Variants in ADCY2 observed in about 807,000 individuals in gnomAD.
ADCY2 encodes the protein adenylate cyclase 2.
In ADCY2, 31 loss-of-function variants were observed where a neutral mutation model predicts 125.2. That is an observed-to-expected ratio of 0.25 (90% CI 0.19 to 0.33). ADCY2 has a LOEUF of 0.33. ADCY2 is among the 10% of genes least tolerant of loss of function. The probability of loss-of-function intolerance (pLI) is 1.00; values close to 1 mark genes in which losing one functional copy is unlikely to be tolerated. For synonymous variants in ADCY2, 512 were observed against 548.4 expected, an observed-to-expected ratio of 0.93 and a Z score of 0.93; for missense variants, 904 against 1,418.2, an observed-to-expected ratio of 0.64 and a Z score of 5.82.
chr5:7,432,215 G>C (rs1007765128), intron 2 of ADCY2, among the ~76,000 whole-genome samples: 1 of 152,006 alleles, frequency 6.6e-6, no homozygotes, highest in Non-Finnish European at 1.5e-5. Flanking sequence ...CCCACCGAGA[G>C]CCACTTTCAT....
At chr5:7,666,713 C>A (rs1739769591) in intron 4 of ADCY2, among the ~76,000 whole-genome samples, 8 of 152,234 alleles carry the variant, frequency 5.3e-5, no homozygotes. Flanking sequence ...CCACATGGGG[C>A]CTCAGTGCCA....
At chr5:7,742,377 G>A (rs986237149) in intron 14 of ADCY2, among the ~76,000 whole-genome samples, 1 of 152,044 alleles carries the variant, frequency 6.6e-6, no homozygotes, top group African/African-American at 2.4e-5. Context: ...GGTGTACTTG[G>A]TATATACACA....
At chr5:7,820,181 C>T (rs1174593254) in intron 23 of ADCY2, among the ~76,000 whole-genome samples, 2 of 152,142 alleles carry the variant, frequency 1.3e-5, no homozygotes, top group Non-Finnish European at 2.9e-5. Flanking sequence ...TGTTTCCTGA[C>T]CTAACTTTCC....
intron 1 of ADCY2, 54 bp from the exon 2 acceptor site, chr5:7,414,519 G>A (rs1739859218): frequency 1.4e-6 from 2 of 1,417,576 alleles, no homozygotes; most frequent in African/African-American, 2.9e-5. Flanking sequence ...TAAATCATTG[G>A]TATCACAGTG....
At chr5:7,611,710 G>A (rs1216480195) in intron 3 of ADCY2, among the ~76,000 whole-genome samples, 2 of 152,084 alleles carry the variant, frequency 1.3e-5, no homozygotes, top group African/African-American at 4.8e-5. Flanking sequence ...TGAGGGTTGG[G>A]GGTTTATCTC....
intron 10 of ADCY2, among the ~76,000 whole-genome samples, chr5:7,712,085 G>T (rs62343026): frequency 1.2e-4 from 18 of 152,110 alleles, no homozygotes; most frequent in Admixed American, 2.6e-4. Flanking sequence ...AATGAAACTT[G>T]GAGCTCAATC....
intron 18 of ADCY2, among the ~76,000 whole-genome samples, chr5:7,781,612 G>A (rs1352490063): frequency 6.6e-6 from 1 of 152,220 alleles, no homozygotes. Context: ...ACATGGCCCT[G>A]AGAACATCCT....
chr5:7,789,811 G>T lies in ADCY2; in HGVS notation c.2628+11G>T, dbSNP rs184766688. On this transcript the variant is annotated intron_variant, in intron 20 of 24. Transcript: ENST00000338316. Reference sequence around the variant, plus strand: ...AGCCTGAAGAATGAGGTCAGACCAGGGGGGCTGGGGGCTGGGGGAGGGGGC... The same window carrying T: ...AGCCTGAAGAATGAGGTCAGACCAGTGGGGCTGGGGGCTGGGGGAGGGGGC... 12 of 1,487,416 alleles carry T rather than the reference G, an allele frequency of 8.1e-6. No homozygotes were observed. In the Admixed American group the frequency reaches 2.5e-4, roughly 31 times the overall value. 92.1% of individuals were successfully genotyped at this position (1,487,416 alleles called of 1,614,324 possible). A position where few individuals can be genotyped will look rare whatever the true frequency, so the allele number is the denominator to read the frequency against.
At chr5:7,563,601 G>C (rs7716597) in intron 3 of ADCY2, among the ~76,000 whole-genome samples, 56,308 of 151,960 alleles carry the variant, frequency 0.37, 11,160 homozygotes, top group African/African-American at 0.42. Flanking sequence ...ATAGAGCTTT[G>C]TATTACCTAG....
At chr5:7,633,826 A>G (rs191553350) in intron 4 of ADCY2, among the ~76,000 whole-genome samples, 8 of 152,336 alleles carry the variant, frequency 5.3e-5, no homozygotes, top group Admixed American at 2.0e-4. Context: ...AGAATTTTCA[A>G]TATTTCCTGG....
At chr5:7,806,936 G>C (rs1190935719) in intron 22 of ADCY2, among the ~76,000 whole-genome samples, 1 of 152,082 alleles carries the variant, frequency 6.6e-6, no homozygotes, top group Non-Finnish European at 1.5e-5. Context: ...TCCTTCTGAA[G>C]TTTCTCTCCT....
chr5:7,777,443 GC>G (rs1743768342), intron 18 of ADCY2, among the ~76,000 whole-genome samples: 1 of 152,230 alleles, frequency 6.6e-6, no homozygotes, highest in Non-Finnish European at 1.5e-5. Flanking sequence ...AATGGGAAGA[GC>G]CTGACACCAG....
intron 22 of ADCY2, among the ~76,000 whole-genome samples, chr5:7,810,310 T>C (rs1324214341): frequency 6.6e-6 from 1 of 151,998 alleles, no homozygotes; most frequent in Non-Finnish European, 1.5e-5. Flanking sequence ...ATCTACCTGA[T>C]TGGTGGGTTA....
intron 4 of ADCY2, among the ~76,000 whole-genome samples, chr5:7,652,864 T>A (rs1739145282): frequency 6.6e-6 from 1 of 152,188 alleles, no homozygotes; most frequent in South Asian, 2.1e-4. Flanking sequence ...CACACTGACC[T>A]GTCACTATTA....
rs924942539 is a variant in ADCY2, at chr5:7,743,558, T to A, written c.1872-110T>A. The stretch of plus-strand genomic sequence containing the variant: ...TATTTCTCAAAAATTTAGTGAGGAT[T>A]GCAGTCTGCATTTAATAAAGTCCTC... On this transcript the variant is annotated intron_variant, in intron 14 of 24. Transcript: ENST00000338316. 1.0e-5 allele frequency: 9 copies of A among 903,532 alleles called. No homozygotes were observed. In the African/African-American group the frequency reaches 1.5e-4, roughly 15 times the overall value. The allele number at this position is 903,532 out of a possible 1,614,324, so 56.0% of individuals were successfully genotyped here. A position where few individuals can be genotyped will look rare whatever the true frequency, so the allele number is the denominator to read the frequency against.
intron 2 of ADCY2, among the ~76,000 whole-genome samples, chr5:7,492,377 A>C (rs1213439131): frequency 6.6e-6 from 1 of 152,194 alleles, no homozygotes; most frequent in African/African-American, 2.4e-5. Flanking sequence ...GCATTGGAGG[A>C]ATGTGATCAT....
chr5:7,523,093 C>T (rs1744517290), intron 3 of ADCY2, among the ~76,000 whole-genome samples: 1 of 152,118 alleles, frequency 6.6e-6, no homozygotes, highest in Admixed American at 6.5e-5. Context: ...CTTTCTGCTC[C>T]TTCAGGAATA....
At chr5:7,479,588 CA>C (rs1365261878) in intron 2 of ADCY2, among the ~76,000 whole-genome samples, 51 of 152,030 alleles carry the variant, frequency 3.4e-4, no homozygotes. Context: ...GTGTTACAAA[CA>C]ATCAAATTGT....
chr5:7,726,287 G>A (rs932647458), intron 13 of ADCY2, among the ~76,000 whole-genome samples: 1 of 152,208 alleles, frequency 6.6e-6, no homozygotes, highest in African/African-American at 2.4e-5. Context: ...AGAGCCTGGT[G>A]AAGGTCCTGG....
Sources: gnomAD v4.1 joint callset for allele counts (sites outside exome capture counted in the v4.1 genomes callset) on GRCh38, gnomAD v4.1.1 for gene constraint, MANE v1.5 for transcripts, NCBI Gene and HGNC (gene_info 2026-07-23, HGNC 2026-07-21) for gene names.